Variants in THNSL1 observed in about 807,000 individuals in gnomAD.
THNSL1 encodes threonine synthase-like 1.
THNSL1 carries 48 observed loss-of-function variants against 50.4 expected under a neutral mutation model. The ratio of observed to expected loss-of-function variants is 0.95; its 90% CI spans 0.76 to 1.21. The LOEUF (loss-of-function observed/expected upper bound fraction) is 1.21, where lower values mean the gene tolerates loss of function less well. Ranked by LOEUF, THNSL1 falls within the 50% of genes most tolerant of loss-of-function variation. THNSL1 has a pLI of 0.00. For missense variants in THNSL1, 896 were observed against 871.7 expected (o/e 1.03, Z -0.35); for synonymous variants, 309 against 306.1 (o/e 1.01, Z -0.10).
the THNSL1 span, among the ~76,000 whole-genome samples, chr10:25,009,345 A>G: frequency 1.3e-5 from 2 of 152,186 alleles, no homozygotes; most frequent in African/African-American, 4.8e-5. Context: ...TATTACATTC[A>G]TAGAGAAGCA....
At chr10:24,999,530 TA>T in the THNSL1 span, 1 of 1,609,036 alleles carries the variant, frequency 6.2e-7, no homozygotes, top group South Asian at 1.1e-5. Flanking sequence ...ACAGTTGCCT[TA>T]AAAATGGATA....
chr10:25,001,286 TTTC>T, the THNSL1 span, among the ~76,000 whole-genome samples: 1 of 151,852 alleles, frequency 6.6e-6, no homozygotes, highest in African/African-American at 2.4e-5. Context: ...CTATATAATT[TTTC>T]TTTTTTTTCC....
At chr10:24,974,991 T>A in the THNSL1 span, among the ~76,000 whole-genome samples, 63 of 152,156 alleles carry the variant, frequency 4.1e-4, no homozygotes, top group Non-Finnish European at 6.5e-4. Context: ...CTGGACATCA[T>A]CTTACTAAGT....
the THNSL1 span, chr10:24,999,318 T>C: frequency 7.3e-7 from 1 of 1,365,880 alleles, no homozygotes; most frequent in South Asian, 1.4e-5. Flanking sequence ...CCTGTGCATG[T>C]TTAATATTCA....
At chr10:24,960,749 G>C in the THNSL1 span, among the ~76,000 whole-genome samples, 1 of 147,132 alleles carries the variant, frequency 6.8e-6, no homozygotes, top group Non-Finnish European at 1.5e-5. Flanking sequence ...ACTGCACCCA[G>C]CCTATTTTTT....
At chr10:25,008,191 T>G in the THNSL1 span, among the ~76,000 whole-genome samples, 54 of 152,112 alleles carry the variant, frequency 3.6e-4, no homozygotes, top group Non-Finnish European at 6.8e-4. Flanking sequence ...CTCATAATAC[T>G]AAGAGACCAT....
In THNSL1 at chr10:25,016,692, G is replaced by A. The variant is rs1220149799; in HGVS notation, c.-216G>A. The A allele has an allele frequency of 6.6e-6, 1 of 152,368 alleles. No individual in the cohort carries two copies. The highest frequency in any genetic ancestry group is 2.1e-4 in the South Asian group (1 of 4,834). 9.4% of individuals were successfully genotyped at this position (152,368 alleles called of 1,614,324 possible). ...GGGCGGGACCGGGGAGCTAGCTGCA[G>A]GTACGGTGCTCCGTCTCCTGTGGAG... is the stretch of plus-strand genomic sequence containing the variant. On this transcript the variant is annotated splice_region_variant and 5_prime_UTR_variant, in exon 1 of 3. Coordinates refer to ENST00000376356, the MANE Select transcript of THNSL1 (RefSeq NM_024838.5).
chr10:24,959,032 C>T, the THNSL1 span, among the ~76,000 whole-genome samples: 1 of 152,164 alleles, frequency 6.6e-6, no homozygotes, highest in Admixed American at 6.5e-5. Flanking sequence ...GCAGAAGTTA[C>T]GTACATGACC....
the THNSL1 span, among the ~76,000 whole-genome samples, chr10:24,961,865 T>C: frequency 6.6e-6 from 1 of 152,338 alleles, no homozygotes; most frequent in South Asian, 2.1e-4. Flanking sequence ...ACCTACCACC[T>C]GATTTTGACC....
At chr10:24,979,423 T>C in the THNSL1 span, among the ~76,000 whole-genome samples, 7 of 152,210 alleles carry the variant, frequency 4.6e-5, no homozygotes, top group Admixed American at 4.6e-4. Flanking sequence ...GAGAAAGTCT[T>C]GGCCAGGGTG....
chr10:24,958,463 G>C, the THNSL1 span, among the ~76,000 whole-genome samples: 1 of 152,202 alleles, frequency 6.6e-6, no homozygotes, highest in Non-Finnish European at 1.5e-5. Flanking sequence ...CTTTGAAGTA[G>C]TTTATTTTTC....
At chr10:24,972,887 A>G in the THNSL1 span, among the ~76,000 whole-genome samples, 1 of 152,228 alleles carries the variant, frequency 6.6e-6, no homozygotes, top group African/African-American at 2.4e-5. Context: ...AATACATTCT[A>G]AGACCCCCAG....
chr10:24,990,654 A>G, the THNSL1 span: 6 of 1,546,078 alleles, frequency 3.9e-6, no homozygotes, highest in South Asian at 2.4e-5. Context: ...TTTGTATGCA[A>G]TCTTACATAT....
the THNSL1 span, among the ~76,000 whole-genome samples, chr10:24,962,778 A>G: frequency 2.2e-4 from 34 of 152,152 alleles, 1 homozygote; most frequent in Admixed American, 2.0e-4. Context: ...AGCTCAGCAA[A>G]ATGATCATGA....
the THNSL1 span, among the ~76,000 whole-genome samples, chr10:24,995,274 A>C: frequency 1.3e-5 from 2 of 152,340 alleles, no homozygotes; most frequent in South Asian, 2.1e-4. Flanking sequence ...GCAATTAATG[A>C]CTAAATCTTA....
chr10:24,969,299 A>G, the THNSL1 span, among the ~76,000 whole-genome samples: 1 of 152,220 alleles, frequency 6.6e-6, no homozygotes, highest in Admixed American at 6.5e-5. Flanking sequence ...TCTGTAAGTC[A>G]TGTTTGCTCA....
At chr10:25,011,931 C>T (rs1275754778), upstream of THNSL1, among the ~76,000 whole-genome samples, 1 of 152,202 alleles carries the variant, frequency 6.6e-6, no homozygotes, top group Non-Finnish European at 1.5e-5. Flanking sequence ...TCCACAGCAG[C>T]CCCTCCCATC....
chr10:25,014,007 G>A (rs888058514), upstream of THNSL1, among the ~76,000 whole-genome samples: 5 of 152,032 alleles, frequency 3.3e-5, no homozygotes, highest in Admixed American at 6.5e-5. Context: ...ACCATCTTAT[G>A]CATCATGAGT....
At chr10:24,988,524 C>A in the THNSL1 span, among the ~76,000 whole-genome samples, 1 of 146,854 alleles carries the variant, frequency 6.8e-6, no homozygotes, top group Non-Finnish European at 1.5e-5. Flanking sequence ...GTGAGAGGAA[C>A]TACGGATCTA....
Sources: allele counts gnomAD v4.1 joint callset (sites outside exome capture counted in the v4.1 genomes callset), GRCh38; gene constraint gnomAD v4.1.1; transcripts MANE v1.5; gene names NCBI Gene and HGNC (gene_info 2026-07-23, HGNC 2026-07-21).